Variants in ADAM22 observed in about 807,000 individuals in gnomAD.
The protein encoded by ADAM22 is disintegrin and metalloproteinase domain-containing protein 22.
ADAM22 carries 65 observed loss-of-function variants against 144.6 expected under a neutral mutation model. That is an observed-to-expected ratio of 0.45 (90% CI 0.37 to 0.55). The LOEUF is 0.55. Among genes scored for constraint, ADAM22 ranks in the 20% least tolerant of loss-of-function variants. ADAM22 has a pLI of 0.00. For synonymous variants in ADAM22, 391 were observed against 412.6 expected, an observed-to-expected ratio of 0.95 and a Z score of 0.63; for missense variants, 974 against 1,184.9, an observed-to-expected ratio of 0.82 and a Z score of 2.61.
intron 14 of ADAM22, among the ~76,000 whole-genome samples, chr7:88,140,465 A>G (rs901346308): frequency 6.6e-6 from 1 of 152,182 alleles, no homozygotes; most frequent in Non-Finnish European, 1.5e-5. Context: ...TGTGTGTAAG[A>G]AACTTTCAAA....
intron 2 of ADAM22, among the ~76,000 whole-genome samples, chr7:87,958,975 T>G (rs992890296): frequency 6.6e-6 from 1 of 152,184 alleles, no homozygotes; most frequent in African/African-American, 2.4e-5. Flanking sequence ...TTTAGCAGAT[T>G]TAATTTTTTT....
Position 87,978,246 on chromosome 7 carries a change from G to T in ADAM22, c.247-90G>T. ...TGTTGAATTATTTTCTTATGATATT[G>T]TAAGTGTTTTGAAATAATCATAAGA... On this transcript the variant is annotated intron_variant, in intron 2 of 31. Transcript: ENST00000413139. 3.1e-6 allele frequency: 3 copies of T among 971,818 alleles called. No homozygotes were observed. In the South Asian group the frequency reaches 4.7e-5, roughly 15 times the overall value. 60.2% of individuals were successfully genotyped at this position (971,818 alleles called of 1,614,324 possible). A position where few individuals can be genotyped will look rare whatever the true frequency, so the allele number is the denominator to read the frequency against.
At chr7:88,128,810 G>T in intron 9 of ADAM22, 134 bp downstream of exon 9, 1 of 602,182 alleles carries the variant, frequency 1.7e-6, no homozygotes, top group South Asian at 2.3e-5. Context: ...AAATATATTT[G>T]TTAACTAGCA....
intron 4 of ADAM22, among the ~76,000 whole-genome samples, chr7:88,100,562 G>A (rs1475521762): frequency 6.6e-6 from 1 of 152,160 alleles, no homozygotes; most frequent in East Asian, 1.9e-4. Flanking sequence ...ACAGTCACAG[G>A]TTATGAGTTT....
At chr7:88,134,521 T>C in intron 13 of ADAM22, 102 bp downstream of exon 13, 1 of 764,392 alleles carries the variant, frequency 1.3e-6, no homozygotes, top group East Asian at 3.0e-5. Flanking sequence ...ATGAAAGGAA[T>C]TTGAACGATA....
intron 5 of ADAM22, among the ~76,000 whole-genome samples, chr7:88,110,368 T>C (rs1260245444): frequency 6.6e-6 from 1 of 152,110 alleles, no homozygotes; most frequent in Non-Finnish European, 1.5e-5. Context: ...TTCTCTCTCT[T>C]AAAATCTCAA....
chr7:88,082,626 C>G (rs181835511), intron 4 of ADAM22, among the ~76,000 whole-genome samples: 3 of 152,142 alleles, frequency 2.0e-5, no homozygotes, highest in East Asian at 1.9e-4. Context: ...ACAATGTACT[C>G]AAACAAATTT....
chr7:88,073,156 G>A (rs752934862), intron 3 of ADAM22, among the ~76,000 whole-genome samples: 6 of 152,202 alleles, frequency 3.9e-5, no homozygotes, highest in African/African-American at 1.2e-4. Flanking sequence ...AAATGTTCTT[G>A]TCAAAGGATT....
At chr7:88,137,794 A>G (rs1024859363) in intron 14 of ADAM22, among the ~76,000 whole-genome samples, 2 of 152,204 alleles carry the variant, frequency 1.3e-5, no homozygotes, top group African/African-American at 4.8e-5. Flanking sequence ...TGAATTTTGA[A>G]CTCGCAGGAT....
chr7:87,956,045 C>G (rs1003591246), intron 2 of ADAM22, among the ~76,000 whole-genome samples: 4 of 152,114 alleles, frequency 2.6e-5, no homozygotes, highest in Non-Finnish European at 5.9e-5. Context: ...CTTTCCTTGA[C>G]CAGGAAAGGG....
chr7:88,070,249 A>G (rs563852823), intron 3 of ADAM22, among the ~76,000 whole-genome samples: 1 of 152,304 alleles, frequency 6.6e-6, no homozygotes, highest in African/African-American at 2.4e-5. Context: ...GGGACAATGC[A>G]CTGAAGATCC....
At chr7:88,180,599 T>C (rs189161507) in intron 27 of ADAM22, among the ~76,000 whole-genome samples, 174 of 152,246 alleles carry the variant, frequency 1.1e-3, no homozygotes, top group South Asian at 6.0e-3. Flanking sequence ...AATTATTCCA[T>C]TAACCAGAAT....
chr7:88,117,560 G>A (rs184527612), intron 7 of ADAM22, among the ~76,000 whole-genome samples: 9 of 152,220 alleles, frequency 5.9e-5, no homozygotes, highest in East Asian at 1.9e-4. Flanking sequence ...GTGAGTTAGC[G>A]TTTGTCTTTG....
chr7:88,077,805 C>T (rs985572785), intron 4 of ADAM22, among the ~76,000 whole-genome samples: 4 of 152,192 alleles, frequency 2.6e-5, no homozygotes, highest in Non-Finnish European at 5.9e-5. Context: ...GAGGGGCGCT[C>T]ACCATTGCCC....
At chr7:88,080,204 G>A (rs997537301) in intron 4 of ADAM22, among the ~76,000 whole-genome samples, 24 of 152,116 alleles carry the variant, frequency 1.6e-4, no homozygotes, top group African/African-American at 5.1e-4. Flanking sequence ...ACTCAAAACC[G>A]CTCAACTACA....
chr7:88,066,998 T>C (rs1811417677), intron 3 of ADAM22, among the ~76,000 whole-genome samples: 1 of 152,160 alleles, frequency 6.6e-6, no homozygotes, highest in Non-Finnish European at 1.5e-5. Context: ...GTGATTAATA[T>C]TATAAAAATG....
chr7:88,170,186 C>T (rs2129533346), intron 25 of ADAM22, among the ~76,000 whole-genome samples: 1 of 152,038 alleles, frequency 6.6e-6, no homozygotes, highest in African/African-American at 2.4e-5. Flanking sequence ...AAAGACACAC[C>T]TTGTGCATAC....
chr7:87,963,963 A>C (rs969046520), intron 2 of ADAM22, among the ~76,000 whole-genome samples: 6 of 152,204 alleles, frequency 3.9e-5, no homozygotes, highest in African/African-American at 1.4e-4. Flanking sequence ...AACTAATTAG[A>C]TATCACCAAG....
At chr7:88,026,160 C>T (rs548784114) in intron 3 of ADAM22, among the ~76,000 whole-genome samples, 3 of 152,254 alleles carry the variant, frequency 2.0e-5, no homozygotes, top group South Asian at 2.1e-4. Context: ...TGTGTGTTAG[C>T]ACAGACTGGA....
Sources: allele counts gnomAD v4.1 joint callset (sites outside exome capture counted in the v4.1 genomes callset), GRCh38; gene constraint gnomAD v4.1.1; transcripts MANE v1.5; gene names NCBI Gene and HGNC (gene_info 2026-07-23, HGNC 2026-07-21).